The following TMEM272 variants were observed in gnomAD, a reference collection of about 807,000 sequenced individuals.
TMEM272 encodes the protein long intergenic non-protein coding RNA 282.
Under a neutral mutation model 3.7 loss-of-function variants are expected in TMEM272, and 8 were observed. The ratio of observed to expected loss-of-function variants is 2.17; its 90% CI spans 1.27 to 3.91. The LOEUF (loss-of-function observed/expected upper bound fraction) is 3.91, where lower values mean the gene tolerates loss of function less well. Ranked by LOEUF, TMEM272 falls within the 30% of genes most tolerant of loss-of-function variation. TMEM272 has a pLI of 0.00. For synonymous variants in TMEM272, 63 were observed against 39.8 expected (o/e 1.58, Z -2.20); for missense variants, 166 against 91.5 (o/e 1.81, Z -3.32).
chr13:51,923,678 A>C, the TMEM272 span, among the ~76,000 whole-genome samples: 2 of 133,506 alleles, frequency 1.5e-5, no homozygotes, highest in Non-Finnish European at 3.2e-5. Flanking sequence ...AAGGAAGATG[A>C]AGGAGAGAAG....
the TMEM272 span, among the ~76,000 whole-genome samples, chr13:51,852,981 A>G: frequency 4.6e-5 from 7 of 152,164 alleles, no homozygotes; most frequent in African/African-American, 9.7e-5. Context: ...TCAACTCCCC[A>G]AAAACTTAGC....
At chr13:51,836,607 T>C (rs539120113) in intron 2 of TMEM272, among the ~76,000 whole-genome samples, 23 of 152,346 alleles carry the variant, frequency 1.5e-4, no homozygotes, top group African/African-American at 5.3e-4. Context: ...ATGTTCACTT[T>C]AAACCCCAAA....
chr13:51,905,890 G>A, the TMEM272 span, among the ~76,000 whole-genome samples: 1 of 152,334 alleles, frequency 6.6e-6, no homozygotes, highest in Non-Finnish European at 1.5e-5. Flanking sequence ...GAGAATGAAG[G>A]CTTCACCTGT....
chr13:51,889,635 T>TGG, the TMEM272 span, among the ~76,000 whole-genome samples: 1,394 of 142,368 alleles, frequency 9.8e-3, 27 homozygotes, highest in African/African-American at 0.034. Flanking sequence ...TGTGTGTGTG[T>TGG]GGGGGGGTTT....
the TMEM272 span, among the ~76,000 whole-genome samples, chr13:51,884,430 G>T: frequency 6.6e-6 from 1 of 152,160 alleles, no homozygotes; most frequent in African/African-American, 2.4e-5. Flanking sequence ...ATTTCATAGG[G>T]TTAGTTTGAT....
At chr13:51,826,856 C>G (rs1418762059) in intron 2 of TMEM272, among the ~76,000 whole-genome samples, 3 of 152,168 alleles carry the variant, frequency 2.0e-5, no homozygotes, top group Non-Finnish European at 4.4e-5. Flanking sequence ...TTGCCGATGC[C>G]AAGGCCCAGA....
chr13:51,921,148 T>C, the TMEM272 span: 1 of 152,226 alleles, frequency 6.6e-6, no homozygotes, highest in Admixed American at 6.5e-5. Context: ...GGCTACACAT[T>C]TCTCAGGCTG....
the TMEM272 span, among the ~76,000 whole-genome samples, chr13:51,875,048 G>A: frequency 5.4e-5 from 8 of 147,186 alleles, no homozygotes; most frequent in Non-Finnish European, 8.8e-5. Flanking sequence ...TAACCAATGC[G>A]GCTTTAACCC....
At chr13:51,902,447 C>T in the TMEM272 span, among the ~76,000 whole-genome samples, 1 of 152,204 alleles carries the variant, frequency 6.6e-6, no homozygotes, top group Admixed American at 6.5e-5. Context: ...AAATGAACTG[C>T]TGCAATGTTG....
chr13:51,821,958 T>A, intron 4 of TMEM272, 97 bp downstream of exon 4: 1 of 697,884 alleles, frequency 1.4e-6, no homozygotes. Flanking sequence ...AGTTGTTTTG[T>A]CTCCCCTGTG....
chr13:51,909,209 G>C, the TMEM272 span: 5 of 1,297,762 alleles, frequency 3.9e-6, no homozygotes, highest in South Asian at 4.7e-5. Context: ...TTAAATCATT[G>C]AGGTTTCTTT....
the TMEM272 span, chr13:51,909,228 C>T: frequency 5.6e-6 from 7 of 1,240,070 alleles, no homozygotes; most frequent in South Asian, 7.2e-5. Context: ...TTCAGCAGTC[C>T]ATGCTGCCAA....
intron 1 of TMEM272, among the ~76,000 whole-genome samples, chr13:51,840,678 G>A (rs1956255226): frequency 6.6e-6 from 1 of 152,238 alleles, no homozygotes; most frequent in Admixed American, 6.5e-5. Context: ...TGTGGGGGAT[G>A]CGCATGAGTC....
chr13:51,875,568 T>C, the TMEM272 span, among the ~76,000 whole-genome samples: 57 of 152,328 alleles, frequency 3.7e-4, no homozygotes, highest in South Asian at 0.011. Flanking sequence ...GACAGTTCCT[T>C]GGAATTCTAC....
At chr13:51,885,611 C>T in the TMEM272 span, among the ~76,000 whole-genome samples, 1 of 152,168 alleles carries the variant, frequency 6.6e-6, no homozygotes, top group African/African-American at 2.4e-5. Flanking sequence ...AGCATAACAG[C>T]AAATAAATGG....
the TMEM272 span, among the ~76,000 whole-genome samples, chr13:51,902,994 T>C: frequency 6.6e-6 from 1 of 152,172 alleles, no homozygotes; most frequent in South Asian, 2.1e-4. Flanking sequence ...GGGAGATGAG[T>C]GCATCCGCCT....
intron 3 of TMEM272, among the ~76,000 whole-genome samples, chr13:51,824,378 C>T (rs1956105643): frequency 6.6e-6 from 1 of 152,212 alleles, no homozygotes; most frequent in African/African-American, 2.4e-5. Context: ...AATATCTCAA[C>T]AAAAATTGCC....
At chr13:51,858,874 G>C in the TMEM272 span, among the ~76,000 whole-genome samples, 1 of 152,094 alleles carries the variant, frequency 6.6e-6, no homozygotes, top group Non-Finnish European at 1.5e-5. Context: ...AACTTCTCGA[G>C]GTCCCGCCCC....
At chr13:51,849,889 G>A (rs150119433), upstream of TMEM272, among the ~76,000 whole-genome samples, 72 of 152,280 alleles carry the variant, frequency 4.7e-4, 1 homozygote, top group African/African-American at 1.6e-3. Context: ...GCTTCCTGCC[G>A]TCTGTGGTCT....
Sources: gnomAD v4.1 joint callset for allele counts (sites outside exome capture counted in the v4.1 genomes callset) on GRCh38, gnomAD v4.1.1 for gene constraint, MANE v1.5 for transcripts, NCBI Gene and HGNC (gene_info 2026-07-23, HGNC 2026-07-21) for gene names.